TFG: variants seen among roughly 807,000 people sequenced by gnomAD.
The protein encoded by TFG is trafficking from ER to golgi regulator, also known as protein TFG.
Under a neutral mutation model 51.4 loss-of-function variants are expected in TFG, and 22 were observed. The observed-to-expected ratio is 0.43, with a 90% CI of 0.31 to 0.61. The LOEUF is 0.61. Ranked by LOEUF, TFG falls within the 20% of genes least tolerant of loss-of-function variation. TFG has a pLI of 0.12. For missense variants in TFG, 419 were observed against 487.7 expected (o/e 0.86, Z 1.33); for synonymous variants, 187 against 165.6 (o/e 1.13, Z -0.99).
chr3:100,712,749 A>G (rs2095034650), intron 1 of TFG, among the ~76,000 whole-genome samples: 1 of 152,228 alleles, frequency 6.6e-6, no homozygotes, highest in Non-Finnish European at 1.5e-5. Context: ...GGTAGTGTTA[A>G]GTGCTTTGAA....
intron 3 of TFG, 60 bp downstream of exon 3, chr3:100,720,118 G>T: frequency 2.6e-6 from 3 of 1,140,152 alleles, no homozygotes; most frequent in South Asian, 3.1e-5. Context: ...AAAGATGTTT[G>T]GCTTTTTTCC....
At chr3:100,717,089 C>A (rs1351416866) in intron 2 of TFG, among the ~76,000 whole-genome samples, 1 of 152,162 alleles carries the variant, frequency 6.6e-6, no homozygotes, top group Non-Finnish European at 1.5e-5. Context: ...CTTTTGAGGT[C>A]TTATTCATGA....
At chr3:100,711,798 C>T (rs2095032029) in intron 1 of TFG, among the ~76,000 whole-genome samples, 1 of 151,992 alleles carries the variant, frequency 6.6e-6, no homozygotes, top group South Asian at 2.1e-4. Context: ...CTTAGGCTGC[C>T]AGAGCAAGCA....
At chr3:100,733,885 G>A (rs1349190539) in intron 5 of TFG, among the ~76,000 whole-genome samples, 2 of 152,150 alleles carry the variant, frequency 1.3e-5, no homozygotes, top group African/African-American at 4.8e-5. Context: ...TAAACTATGT[G>A]CATATTCAGT....
intron 1 of TFG, among the ~76,000 whole-genome samples, chr3:100,712,635 T>C (rs915777242): frequency 6.6e-6 from 1 of 152,226 alleles, no homozygotes; most frequent in Non-Finnish European, 1.5e-5. Context: ...ATGACTGTTG[T>C]CTGCTAGGCA....
In TFG at chr3:100,728,837, T is replaced by A; in HGVS notation, c.394T>A (p.Ser132Thr). 1 of 1,605,064 alleles carries A rather than the reference T, an allele frequency of 6.2e-7. No homozygotes were observed. The highest frequency in any genetic ancestry group is 2.3e-5 in the East Asian group (1 of 44,260). ...GGAACCACCTGGAGAACCAGGACCT[T>A]CCACCAATATTCCTGAAAATGGTAA... ...SLEPPGEPGP[S>T]TNIPENDTVD... Residue 132 changes from serine (S) to threonine (T), a missense_variant, in exon 4 of 8, where the codon TCC (serine) becomes ACC (threonine). Transcript: ENST00000240851.
chr3:100,742,793 G>C (rs1452169146), intron 6 of TFG: 1 of 151,684 alleles, frequency 6.6e-6, no homozygotes, highest in African/African-American at 2.4e-5. Context: ...GATCTGCTGT[G>C]TAAAAGGAAT....
Sources: gnomAD v4.1 joint callset for allele counts (sites outside exome capture counted in the v4.1 genomes callset) on GRCh38, gnomAD v4.1.1 for gene constraint, MANE v1.5 for transcripts, NCBI Gene and HGNC (gene_info 2026-07-23, HGNC 2026-07-21) for gene names.